The following NAALADL2 variants were observed in gnomAD, a reference collection of about 807,000 sequenced individuals.
NAALADL2 encodes inactive N-acetylated-alpha-linked acidic dipeptidase-like protein 2.
Under a neutral mutation model 87.2 loss-of-function variants are expected in NAALADL2, and 76 were observed. The observed-to-expected ratio is 0.87, with a 90% CI of 0.72 to 1.05. The LOEUF is 1.05. NAALADL2 is among the 50% of genes least tolerant of loss of function. The pLI is 0.00. For missense variants in NAALADL2, 1,089 were observed against 945.8 expected, an observed-to-expected ratio of 1.15 and a Z score of -1.99; for synonymous variants, 354 against 331.0, an observed-to-expected ratio of 1.07 and a Z score of -0.75.
chr3:175,730,903 T>C (rs1207945191), intron 11 of NAALADL2, among the ~76,000 whole-genome samples: 1 of 152,160 alleles, frequency 6.6e-6, no homozygotes, highest in Non-Finnish European at 1.5e-5. Context: ...AATAGTTATT[T>C]ACTTATGCTA....
At chr3:175,133,061 A>G (rs1728424568) in intron 2 of NAALADL2, among the ~76,000 whole-genome samples, 1 of 148,812 alleles carries the variant, frequency 6.7e-6, no homozygotes, top group African/African-American at 2.5e-5. Context: ...GGCGGGGCAG[A>G]GGCGCTCCCC....
At chr3:175,394,320 T>C (rs143811886) in intron 5 of NAALADL2, among the ~76,000 whole-genome samples, 231 of 152,296 alleles carry the variant, frequency 1.5e-3, no homozygotes, top group African/African-American at 5.5e-3. Context: ...TGGAGGACTA[T>C]AGTTAACAAT....
intron 1 of NAALADL2, among the ~76,000 whole-genome samples, chr3:174,491,711 A>G (rs1718204214): frequency 6.6e-6 from 1 of 152,158 alleles, no homozygotes. Context: ...TTCCTAACAT[A>G]TCATATCATA....
intron 3 of NAALADL2, among the ~76,000 whole-genome samples, chr3:174,808,464 C>G (rs1719758915): frequency 6.6e-6 from 1 of 152,034 alleles, no homozygotes; most frequent in Admixed American, 6.6e-5. Flanking sequence ...GAATATTCCT[C>G]TTTATGAAAA....
chr3:175,520,249 T>G (rs1732436882), intron 9 of NAALADL2, among the ~76,000 whole-genome samples: 1 of 151,510 alleles, frequency 6.6e-6, no homozygotes, highest in African/African-American at 2.4e-5. Context: ...TTATACCACC[T>G]GTGGAGCATT....
chr3:175,317,351 T>TA (rs34837825), intron 4 of NAALADL2, among the ~76,000 whole-genome samples: 20 of 149,534 alleles, frequency 1.3e-4, no homozygotes, highest in Admixed American at 3.4e-4. Flanking sequence ...GTTAGCACAT[T>TA]AAAAAAAAAA....
At chr3:175,459,447 C>T (rs1215102227) in intron 6 of NAALADL2, among the ~76,000 whole-genome samples, 2 of 148,924 alleles carry the variant, frequency 1.3e-5, no homozygotes, top group East Asian at 2.0e-4. Flanking sequence ...TACAAAAGTA[C>T]GAGTAAAATA....
intron 3 of NAALADL2, among the ~76,000 whole-genome samples, chr3:174,778,301 A>T (rs1715468245): frequency 6.6e-6 from 1 of 152,064 alleles, no homozygotes; most frequent in Admixed American, 6.6e-5. Context: ...AAGACATGTG[A>T]TATCTATTAT....
At chr3:175,014,113 C>T (rs1438223189) in intron 1 of NAALADL2, among the ~76,000 whole-genome samples, 3 of 152,112 alleles carry the variant, frequency 2.0e-5, no homozygotes, top group Admixed American at 6.6e-5. Context: ...CACACACAAA[C>T]GTGTAATGGC....
intron 4 of NAALADL2, among the ~76,000 whole-genome samples, chr3:175,295,711 G>A (rs951680487): frequency 1.5e-4 from 7 of 46,486 alleles, no homozygotes; most frequent in Non-Finnish European, 2.8e-4. Flanking sequence ...TGATACACAT[G>A]CACACAAACA....
chr3:175,140,980 A>G (rs1383290258), intron 2 of NAALADL2, among the ~76,000 whole-genome samples: 10 of 152,162 alleles, frequency 6.6e-5, no homozygotes, highest in Admixed American at 6.6e-4. Context: ...AATTTTAAAA[A>G]ATAAATTCAG....
At chr3:175,254,698 T>C (rs1278831500) in intron 3 of NAALADL2, among the ~76,000 whole-genome samples, 4 of 152,184 alleles carry the variant, frequency 2.6e-5, no homozygotes. Flanking sequence ...TTTCTCACTT[T>C]TGCAATGTAA....
chr3:175,548,588 T>C (rs1401197847), intron 9 of NAALADL2, among the ~76,000 whole-genome samples: 1 of 152,024 alleles, frequency 6.6e-6, no homozygotes, highest in East Asian at 1.9e-4. Context: ...ACAGATATCG[T>C]TGGAATAGTT....
Position 174,947,065 on chromosome 3 carries a change from A to G in NAALADL2, c.43+87615A>G, listed in dbSNP as rs1366415522. On this transcript the variant is annotated intron_variant, in intron 1 of 13. Coordinates refer to ENST00000454872, the MANE Select transcript of NAALADL2 (RefSeq NM_207015.3). ...CAAAGCCATATAAAATCCTTGATAT[A>G]TAACTGTGCTTAATTGCGTTGTGCT... is the stretch of plus-strand genomic sequence containing the variant. Among the ~76,000 whole-genome samples, 5 of 152,290 alleles carry G rather than the reference A, an allele frequency of 3.3e-5. No homozygotes were observed. The East Asian group carries it at 9.7e-4, about 29-fold the overall frequency.
intron 1 of NAALADL2, among the ~76,000 whole-genome samples, chr3:174,954,684 A>T (rs1740901848): frequency 6.6e-6 from 1 of 152,108 alleles, no homozygotes; most frequent in East Asian, 1.9e-4. Context: ...ATTAAAATGC[A>T]GATCCAACAA....
chr3:175,412,128 A>G (rs987797917), intron 5 of NAALADL2, among the ~76,000 whole-genome samples: 3 of 152,192 alleles, frequency 2.0e-5, no homozygotes, highest in Admixed American at 6.5e-5. Context: ...TTGTTCTTGT[A>G]TTTGAATTAT....
At chr3:175,367,703 T>A (rs1362328225) in intron 5 of NAALADL2, among the ~76,000 whole-genome samples, 1 of 152,174 alleles carries the variant, frequency 6.6e-6, no homozygotes, top group Non-Finnish European at 1.5e-5. Flanking sequence ...GTACATGGAT[T>A]TTGTATCCTG....
intron 3 of NAALADL2, among the ~76,000 whole-genome samples, chr3:174,830,538 A>G (rs1450947343): frequency 6.6e-6 from 1 of 150,976 alleles, no homozygotes; most frequent in Non-Finnish European, 1.5e-5. Context: ...GTTTGAAGTC[A>G]GGTAGTGTGA....
At chr3:174,943,236 A>C (rs542317923) in intron 1 of NAALADL2, among the ~76,000 whole-genome samples, 75 of 152,264 alleles carry the variant, frequency 4.9e-4, no homozygotes, top group African/African-American at 1.7e-3. Flanking sequence ...CTCTGGGCTG[A>C]GGCTTTGTGC....
Sources: allele counts gnomAD v4.1 joint callset (sites outside exome capture counted in the v4.1 genomes callset), GRCh38; gene constraint gnomAD v4.1.1; transcripts MANE v1.5; gene names NCBI Gene and HGNC (gene_info 2026-07-23, HGNC 2026-07-21).